ZNF609: variants seen among roughly 807,000 people sequenced by gnomAD.
ZNF609 encodes the protein zinc finger protein 609.
ZNF609 carries 11 observed loss-of-function variants against 109.5 expected under a neutral mutation model. The observed-to-expected ratio is 0.10, with a 90% CI of 0.06 to 0.17. ZNF609 has a LOEUF of 0.17. ZNF609 is among the 10% of genes least tolerant of loss of function. The pLI is 1.00. For missense variants in ZNF609, 1,559 were observed against 1,772.4 expected (o/e 0.88, Z 2.16); for synonymous variants, 646 against 662.0 (o/e 0.98, Z 0.37).
At chr15:64,470,487 G>A (rs954649271) in intron 1 of ZNF609, 1 of 152,100 alleles carries the variant, frequency 6.6e-6, no homozygotes, top group African/African-American at 2.4e-5. Context: ...GGAACTTTCA[G>A]ATTGAGAGTA....
At chr15:64,580,556 C>CTTTTCT (rs141447265) in intron 2 of ZNF609, among the ~76,000 whole-genome samples, 3,051 of 144,248 alleles carry the variant, frequency 0.021, 56 homozygotes, top group Non-Finnish European at 0.034. Flanking sequence ...CTTTTCTTTT[C>CTTTTCT]TTTTTTTTTT....
intron 2 of ZNF609, among the ~76,000 whole-genome samples, chr15:64,552,161 A>G (rs1019625850): frequency 2.0e-5 from 3 of 152,100 alleles, no homozygotes; most frequent in Non-Finnish European, 4.4e-5. Flanking sequence ...AGAGAACATA[A>G]GTTCTTAATT....
chr15:64,648,519 T>C (rs10851736), intron 3 of ZNF609, among the ~76,000 whole-genome samples: 115,321 of 151,852 alleles, frequency 0.76, 47,614 homozygotes, highest in East Asian at 0.96. Flanking sequence ...CAGGCTTTAG[T>C]TGAGAGTCAT....
At chr15:64,471,052 T>A (rs1433317103) in intron 1 of ZNF609, among the ~76,000 whole-genome samples, 2 of 152,302 alleles carry the variant, frequency 1.3e-5, no homozygotes, top group East Asian at 3.9e-4. Context: ...GTTCACTGTT[T>A]TCAGATTTGT....
intron 3 of ZNF609, among the ~76,000 whole-genome samples, chr15:64,667,168 A>G (rs1335817472): frequency 6.6e-6 from 1 of 152,150 alleles, no homozygotes; most frequent in African/African-American, 2.4e-5. Context: ...TGAGATTTGT[A>G]GAAGCCAAGT....
chr15:64,684,155 G>T lies in ZNF609; in HGVS notation c.*2469G>T, dbSNP rs991761091. The T allele has an allele frequency of 6.6e-6, 1 of 152,194 alleles. No individual in the cohort carries two copies. Among genetic ancestry groups the T allele is most frequent in the African/African-American group, 2.4e-5 (1 of 41,428 alleles). The allele number at this position is 152,194 out of a possible 1,614,324, so 9.4% of individuals were successfully genotyped here. A position where few individuals can be genotyped will look rare whatever the true frequency, so the allele number is the denominator to read the frequency against. On this transcript the variant is annotated 3_prime_UTR_variant, in exon 10 of 10. Transcript: ENST00000326648. ...CAGCAGCTGTGGAGATTCTTGACAAGTGCTGAGTGAAAGATTTGCTGCCCA... is the reference window on the plus strand; with the variant it reads ...CAGCAGCTGTGGAGATTCTTGACAATTGCTGAGTGAAAGATTTGCTGCCCA...
chr15:64,618,222 C>A (rs1895828933), intron 2 of ZNF609, among the ~76,000 whole-genome samples: 2 of 152,026 alleles, frequency 1.3e-5, no homozygotes, highest in Admixed American at 1.3e-4. Context: ...ACCCCCGGGA[C>A]AAAACTTTCC....
At chr15:64,483,963 T>G (rs1343284007) in intron 1 of ZNF609, among the ~76,000 whole-genome samples, 2 of 149,436 alleles carry the variant, frequency 1.3e-5, no homozygotes, top group African/African-American at 2.5e-5. Flanking sequence ...TGGTTTTGTG[T>G]TTTTTTTTCC....
chr15:64,633,448 A>G (rs1406339010), intron 3 of ZNF609, among the ~76,000 whole-genome samples: 1 of 151,962 alleles, frequency 6.6e-6, no homozygotes, highest in African/African-American at 2.4e-5. Flanking sequence ...CACCTGGCCT[A>G]TAATATTTTC....
At chr15:64,464,642 A>G (rs1167253893) in intron 1 of ZNF609, among the ~76,000 whole-genome samples, 1 of 151,950 alleles carries the variant, frequency 6.6e-6, no homozygotes, top group African/African-American at 2.4e-5. Flanking sequence ...AATGTATTAA[A>G]TATGCCTTCA....
chr15:64,654,408 A>C (rs1896460672), intron 3 of ZNF609: 1 of 152,160 alleles, frequency 6.6e-6, no homozygotes, highest in Non-Finnish European at 1.5e-5. Flanking sequence ...ATATGGTAAG[A>C]TATCGTTCAC....
rs548446376 is a variant in ZNF609 at position 64,483,154 on chromosome 15, G to C, written c.-127-16139G>C. On this transcript the variant is annotated intron_variant, in intron 1 of 9. Transcript: ENST00000326648. ...CTTATCACCCAGGCTGGAGTGCAAT[G>C]GTGCTATCTCAGCTCCCTGCAACCT... Among the ~76,000 whole-genome samples, 4 of 151,916 alleles carry C rather than the reference G, an allele frequency of 2.6e-5. 1 individual carries two copies. The South Asian group carries it at 8.3e-4, about 32-fold the overall frequency.
chr15:64,546,873 C>A (rs911846378), intron 2 of ZNF609, among the ~76,000 whole-genome samples: 1 of 150,002 alleles, frequency 6.7e-6, no homozygotes, highest in African/African-American at 2.5e-5. Flanking sequence ...TCACTGCAAG[C>A]TCTGCCTCCC....
chr15:64,652,755 A>T (rs546847323), intron 3 of ZNF609: 2 of 152,026 alleles, frequency 1.3e-5, no homozygotes, highest in East Asian at 3.9e-4. Context: ...CTGATCTTCA[A>T]CTCCTGGACT....
chr15:64,473,507 TTC>T (rs1386603393), intron 1 of ZNF609, among the ~76,000 whole-genome samples: 1 of 151,808 alleles, frequency 6.6e-6, no homozygotes, highest in Non-Finnish European at 1.5e-5. Flanking sequence ...TCATATTTGG[TTC>T]TTTTTTTCGT....
intron 3 of ZNF609, among the ~76,000 whole-genome samples, chr15:64,658,201 C>T (rs73454964): frequency 0.091 from 13,765 of 151,974 alleles, 1,037 homozygotes; most frequent in African/African-American, 0.21. Flanking sequence ...TTAAAAATTA[C>T]TATTTTTTTT....
chr15:64,599,266 C>T (rs1446434533), intron 2 of ZNF609, among the ~76,000 whole-genome samples: 1 of 146,220 alleles, frequency 6.8e-6, no homozygotes, highest in Non-Finnish European at 1.5e-5. Context: ...AATCTCTGCA[C>T]CCTCCCTCCA....
rs116559317 is a variant in ZNF609 at position 64,642,631 on chromosome 15, C to T, written c.973+19579C>T. On this transcript the variant is annotated intron_variant, in intron 3 of 9. Coordinates refer to ENST00000326648, the MANE Select transcript of ZNF609 (RefSeq NM_015042.2). ...CAACACTATGAGACCTCTTCTCTACCAAAAATCAAAAAAATTAGCCAGGCA... is the reference window on the plus strand; with the variant it reads ...CAACACTATGAGACCTCTTCTCTACTAAAAATCAAAAAAATTAGCCAGGCA... Among the ~76,000 whole-genome samples, 1,118 of 151,996 alleles carry T rather than the reference C, an allele frequency of 7.4e-3. 14 individuals carry two copies. Among genetic ancestry groups the T allele is most frequent in the African/African-American group, 0.025 (1,057 of 41,478 alleles).
At position 64,675,703 on chromosome 15, in the gene ZNF609, A is replaced by G. The variant is rs1293067333; in HGVS notation, c.2849A>G (p.Glu950Gly). The change falls in exon 5 of 10, where the codon GAG becomes GGG. Residue 950 changes from glutamate (E) to glycine (G), a missense_variant. By Grantham distance (98) the Glu-to-Gly change is moderately conservative (BLOSUM62 -2). Transcript: ENST00000326648. Reference protein sequence around the residue: ...KNDICEEKKPELSSSSQQPSV... With the variant: ...KNDICEEKKPGLSSSSQQPSV... ...GATATCTGTGAAGAAAAGAAGCCCG[A>G]GCTGAGCAGTTCCAGTCAGCAGCCC... is the stretch of plus-strand genomic sequence containing the variant. The G allele has an allele frequency of 2.5e-6, 4 of 1,614,154 alleles. No homozygotes were observed. Among genetic ancestry groups the G allele is most frequent in the Non-Finnish European group, 3.4e-6 (4 of 1,180,034 alleles).
Sources: gnomAD v4.1 joint callset for allele counts (sites outside exome capture counted in the v4.1 genomes callset) on GRCh38, gnomAD v4.1.1 for gene constraint, MANE v1.5 for transcripts, NCBI Gene and HGNC (gene_info 2026-07-23, HGNC 2026-07-21) for gene names.